The following THSD7B variants were observed in gnomAD, a reference collection of about 807,000 sequenced individuals.
The protein encoded by THSD7B is thrombospondin type-1 domain-containing protein 7B.
THSD7B carries 138 observed loss-of-function variants against 213.6 expected under a neutral mutation model. The observed-to-expected ratio is 0.65, with a 90% confidence interval of 0.56 to 0.74. The LOEUF (loss-of-function observed/expected upper bound fraction) is 0.74. Ranked by LOEUF, THSD7B falls within the 30% of genes least tolerant of loss-of-function variation. THSD7B has a pLI of 0.00. For missense variants in THSD7B, 1,931 were observed against 1,991.5 expected, an observed-to-expected ratio of 0.97 and a Z score of 0.58; for synonymous variants, 742 against 687.0, an observed-to-expected ratio of 1.08 and a Z score of -1.25.
chr2:136,953,165 C>G (rs1685069677), intron 2 of THSD7B, among the ~76,000 whole-genome samples: 1 of 151,982 alleles, frequency 6.6e-6, no homozygotes, highest in Non-Finnish European at 1.5e-5. Flanking sequence ...ATAGTCACAG[C>G]CTTCACTTAT....
At chr2:136,987,137 A>T (rs554744031) in intron 2 of THSD7B, among the ~76,000 whole-genome samples, 1 of 152,362 alleles carries the variant, frequency 6.6e-6, no homozygotes, top group East Asian at 1.9e-4. Context: ...AGTTCAAGCA[A>T]CATTTCAATA....
intron 2 of THSD7B, among the ~76,000 whole-genome samples, chr2:136,997,807 C>A (rs1050920375): frequency 6.6e-6 from 1 of 152,080 alleles, no homozygotes; most frequent in African/African-American, 2.4e-5. Context: ...CATCTTATGA[C>A]CTTCTGGATG....
chr2:137,628,435 G>T (rs1000629765), intron 20 of THSD7B, among the ~76,000 whole-genome samples: 1 of 152,072 alleles, frequency 6.6e-6, no homozygotes, highest in Non-Finnish European at 1.5e-5. Flanking sequence ...AGCACTGGGG[G>T]AAAAAAGGCA....
intron 17 of THSD7B, among the ~76,000 whole-genome samples, chr2:137,597,691 T>G (rs113374970): frequency 6.6e-6 from 1 of 152,090 alleles, no homozygotes; most frequent in African/African-American, 2.4e-5. Context: ...TTCAGACACA[T>G]ATTATAATTC....
At chr2:137,194,125 T>C (rs550498856) in intron 7 of THSD7B, among the ~76,000 whole-genome samples, 62 of 152,152 alleles carry the variant, frequency 4.1e-4, no homozygotes, top group Non-Finnish European at 8.1e-4. Context: ...ACAAAATCCA[T>C]AATCCCAGCA....
At chr2:137,097,887 G>C (rs1259384613) in intron 4 of THSD7B, among the ~76,000 whole-genome samples, 1 of 152,086 alleles carries the variant, frequency 6.6e-6, no homozygotes. Flanking sequence ...GTTCCATAGG[G>C]AGAATAATGT....
intron 12 of THSD7B, among the ~76,000 whole-genome samples, chr2:137,354,130 C>T (rs1021959398): frequency 6.6e-5 from 10 of 151,902 alleles, no homozygotes; most frequent in African/African-American, 2.2e-4. Flanking sequence ...AAATACCTTA[C>T]GACATTGTTA....
intron 20 of THSD7B, among the ~76,000 whole-genome samples, chr2:137,622,708 C>A (rs57915881): frequency 0.026 from 4,019 of 152,186 alleles, 179 homozygotes; most frequent in African/African-American, 0.093. Context: ...CACCTCTATG[C>A]AAATAAACTA....
At chr2:136,950,596 G>A (rs996362454) in intron 2 of THSD7B, among the ~76,000 whole-genome samples, 2 of 151,924 alleles carry the variant, frequency 1.3e-5, no homozygotes, top group Admixed American at 1.3e-4. Context: ...AGCTCAGATG[G>A]GGTAAATTTA....
At chr2:137,420,261 A>C (rs1485382673) in intron 14 of THSD7B, among the ~76,000 whole-genome samples, 1 of 152,102 alleles carries the variant, frequency 6.6e-6, no homozygotes, top group Non-Finnish European at 1.5e-5. Context: ...ATATCTCAAT[A>C]TATACCATTT....
chr2:136,900,211 T>G (rs1474435913), intron 2 of THSD7B, among the ~76,000 whole-genome samples: 4 of 152,232 alleles, frequency 2.6e-5, no homozygotes, highest in Non-Finnish European at 5.9e-5. Context: ...GACCAGGATC[T>G]CTAAACCAAT....
At chr2:136,887,813 A>G (rs571713540) in intron 2 of THSD7B, among the ~76,000 whole-genome samples, 6 of 152,292 alleles carry the variant, frequency 3.9e-5, no homozygotes, top group African/African-American at 1.4e-4. Context: ...AATACAGACT[A>G]ATACTAATAC....
chr2:137,497,411 A>G (rs1421043216), intron 15 of THSD7B, among the ~76,000 whole-genome samples: 1 of 152,146 alleles, frequency 6.6e-6, no homozygotes, highest in Non-Finnish European at 1.5e-5. Flanking sequence ...TTAGTAAACT[A>G]TGTAGGTCTT....
At chr2:137,050,395 T>C (rs1015840153) in intron 2 of THSD7B, among the ~76,000 whole-genome samples, 1 of 152,228 alleles carries the variant, frequency 6.6e-6, no homozygotes, top group African/African-American at 2.4e-5. Context: ...TGGCGACTAA[T>C]AATTTGTAAT....
chr2:137,222,369 ACT>A (rs1349857957), intron 7 of THSD7B, among the ~76,000 whole-genome samples: 2 of 152,174 alleles, frequency 1.3e-5, no homozygotes, highest in African/African-American at 4.8e-5. Flanking sequence ...ATTATAATGC[ACT>A]GTTTATTTGC....
At chr2:137,255,557 C>G (rs1682287342) in intron 10 of THSD7B, among the ~76,000 whole-genome samples, 1 of 152,092 alleles carries the variant, frequency 6.6e-6, no homozygotes, top group South Asian at 2.1e-4. Flanking sequence ...ACTTGGTGAA[C>G]TCTCACCCTA....
chr2:137,038,909 T>C (rs1257733592), intron 2 of THSD7B, among the ~76,000 whole-genome samples: 2 of 151,994 alleles, frequency 1.3e-5, no homozygotes, highest in Non-Finnish European at 2.9e-5. Context: ...ACAGTTCAAA[T>C]GCAGGCTGAT....
chr2:137,300,828 CA>C (rs909146454), intron 12 of THSD7B, among the ~76,000 whole-genome samples: 10 of 151,926 alleles, frequency 6.6e-5, no homozygotes, highest in African/African-American at 2.4e-4. Flanking sequence ...TTTATACGGA[CA>C]AAAAGATGGA....
At chr2:137,010,715 A>G (rs1256668546) in intron 2 of THSD7B, among the ~76,000 whole-genome samples, 2 of 152,206 alleles carry the variant, frequency 1.3e-5, no homozygotes, top group Non-Finnish European at 1.5e-5. Flanking sequence ...CTGAATGCCT[A>G]CTTTTCAAAG....
Sources: gnomAD v4.1 joint callset for allele counts (sites outside exome capture counted in the v4.1 genomes callset) on GRCh38, gnomAD v4.1.1 for gene constraint, MANE v1.5 for transcripts, NCBI Gene and HGNC (gene_info 2026-07-23, HGNC 2026-07-21) for gene names.